The following PTPRA variants were observed in gnomAD, a reference collection of about 807,000 sequenced individuals.
The protein encoded by PTPRA is receptor-type tyrosine-protein phosphatase alpha.
Under a neutral mutation model 104.8 loss-of-function variants are expected in PTPRA, and 25 were observed. The ratio of observed to expected loss-of-function variants is 0.24; its 90% CI spans 0.17 to 0.33. The LOEUF is 0.33. Among genes scored for constraint, PTPRA ranks in the 10% least tolerant of loss-of-function variants. The pLI is 1.00. For missense variants in PTPRA, 765 were observed against 1,015.3 expected (o/e 0.75, Z 3.35); for synonymous variants, 323 against 368.9 (o/e 0.88, Z 1.43).
chr20:3,027,911 G>A (rs1037441618), intron 20 of PTPRA, 70 bp downstream of exon 20: 10 of 1,587,856 alleles, frequency 6.3e-6, no homozygotes, highest in Admixed American at 1.7e-5. Context: ...AAATGGGGAC[G>A]TTGGGAAGGC....
intron 2 of PTPRA, among the ~76,000 whole-genome samples, chr20:2,940,444 C>G (rs1450758747): frequency 2.0e-5 from 3 of 152,248 alleles, no homozygotes; most frequent in African/African-American, 7.2e-5. Flanking sequence ...GCATATACCC[C>G]CATACCTAGC....
intron 13 of PTPRA, among the ~76,000 whole-genome samples, chr20:3,020,841 G>A (rs1487369833): frequency 1.3e-5 from 2 of 152,216 alleles, no homozygotes; most frequent in Non-Finnish European, 2.9e-5. Context: ...GCTCTTGGAA[G>A]CTATCCAAAG....
At chr20:2,921,554 T>A (rs2060097159) in intron 1 of PTPRA, among the ~76,000 whole-genome samples, 1 of 152,110 alleles carries the variant, frequency 6.6e-6, no homozygotes, top group Non-Finnish European at 1.5e-5. Flanking sequence ...CATTTTGGTT[T>A]ATTTATTGGG....
chr20:3,022,852 T>TG lies in PTPRA; in HGVS notation c.1464+34dup, dbSNP rs768996306. 7.4e-6 allele frequency: 12 copies of TG among 1,613,756 alleles called. No homozygotes were observed. Among genetic ancestry groups the TG allele is most frequent in the African/African-American group, 2.7e-5 (2 of 74,942 alleles). ...GAGTGATCTGTGGGTCAGGTGAGGG[T>TG]GGGGGGTTCCAGGACTAAAACATCT... On this transcript the variant is annotated intron_variant, in intron 16 of 23. Coordinates refer to ENST00000399903, the MANE Select transcript of PTPRA (RefSeq NM_001385305.1). The surrounding 1 kb of genome is among the most constrained non-coding windows in gnomAD (Gnocchi z 4.6).
At chr20:2,987,384 C>G (rs948509373) in intron 7 of PTPRA, among the ~76,000 whole-genome samples, 2 of 151,840 alleles carry the variant, frequency 1.3e-5, no homozygotes, top group Non-Finnish European at 2.9e-5. Context: ...CGTTACCACT[C>G]AAGCAGAAGC....
chr20:2,910,257 T>C (rs1452085813), intron 1 of PTPRA, among the ~76,000 whole-genome samples: 2 of 104,038 alleles, frequency 1.9e-5, no homozygotes, highest in African/African-American at 7.1e-5. Flanking sequence ...AATATATATA[T>C]AAGGCACAGT....
intron 5 of PTPRA, among the ~76,000 whole-genome samples, chr20:2,973,440 G>T (rs1260023293): frequency 6.6e-6 from 1 of 152,176 alleles, no homozygotes; most frequent in East Asian, 1.9e-4. Flanking sequence ...GCTATAAGCT[G>T]CTCTGACAAA....
At chr20:3,034,070 A>G (rs1056517109) in intron 20 of PTPRA, among the ~76,000 whole-genome samples, 5 of 152,126 alleles carry the variant, frequency 3.3e-5, no homozygotes, top group Admixed American at 1.3e-4. Context: ...CAAGAGTTTG[A>G]GACCAGCCTG....
At chr20:2,930,026 C>T (rs139484467) in intron 2 of PTPRA, among the ~76,000 whole-genome samples, 58 of 152,200 alleles carry the variant, frequency 3.8e-4, no homozygotes, top group African/African-American at 1.4e-3. Context: ...TCATAGGAAA[C>T]CAAACTTGCT....
intron 12 of PTPRA, among the ~76,000 whole-genome samples, chr20:3,017,236 T>C (rs1458348874): frequency 6.6e-6 from 1 of 152,218 alleles, no homozygotes; most frequent in African/African-American, 2.4e-5. Flanking sequence ...CTCTCTATCC[T>C]CTGGCAGAGT....
intron 1 of PTPRA, among the ~76,000 whole-genome samples, chr20:2,892,776 A>G (rs1265477658): frequency 6.6e-6 from 1 of 152,200 alleles, no homozygotes; most frequent in African/African-American, 2.4e-5. Flanking sequence ...TAGGGCAAGG[A>G]GCATCTTTAT....
At chr20:2,981,240 A>G (rs2062661329) in intron 6 of PTPRA, among the ~76,000 whole-genome samples, 1 of 152,198 alleles carries the variant, frequency 6.6e-6, no homozygotes, top group African/African-American at 2.4e-5. Context: ...TTTAAATTGG[A>G]TAATAGTATT....
intron 11 of PTPRA, among the ~76,000 whole-genome samples, chr20:3,007,635 A>T (rs555561206): frequency 6.6e-6 from 1 of 152,154 alleles, no homozygotes; most frequent in Non-Finnish European, 1.5e-5. Context: ...ATGGTTTCCC[A>T]TGTAGAAATC....
intron 1 of PTPRA, among the ~76,000 whole-genome samples, chr20:2,877,247 TTTTGTTTGTTTG>T (rs545873111): frequency 6.6e-6 from 1 of 152,082 alleles, no homozygotes; most frequent in Non-Finnish European, 1.5e-5. Context: ...AAGAGATGTT[TTTTGTTTGTTTG>T]TTTGTTTGTT....
At chr20:2,909,654 ATGAG>A (rs1300552804) in intron 1 of PTPRA, among the ~76,000 whole-genome samples, 11 of 150,468 alleles carry the variant, frequency 7.3e-5, no homozygotes, top group African/African-American at 2.7e-4. Flanking sequence ...TAGTAAATGA[ATGAG>A]TGCAGCTACA....
At chr20:2,894,126 A>G (rs1335081257) in intron 1 of PTPRA, among the ~76,000 whole-genome samples, 2 of 152,222 alleles carry the variant, frequency 1.3e-5, no homozygotes, top group African/African-American at 2.4e-5. Flanking sequence ...ATATAATCAA[A>G]CAGCAGAATA....
chr20:2,944,490 T>G (rs143355348), intron 2 of PTPRA, among the ~76,000 whole-genome samples: 1 of 152,344 alleles, frequency 6.6e-6, no homozygotes, highest in Non-Finnish European at 1.5e-5. Flanking sequence ...AGCCAAAGCT[T>G]CTCACATTAT....
At chr20:2,948,459 C>G (rs1490570594) in intron 3 of PTPRA, among the ~76,000 whole-genome samples, 3 of 152,206 alleles carry the variant, frequency 2.0e-5, no homozygotes, top group South Asian at 2.1e-4. Context: ...AGTACTCAAC[C>G]TCGTTGCTTA....
At chr20:3,014,232 C>G (rs991077996) in intron 11 of PTPRA, among the ~76,000 whole-genome samples, 6 of 152,198 alleles carry the variant, frequency 3.9e-5, no homozygotes, top group African/African-American at 1.2e-4. Flanking sequence ...TCAATGAAAA[C>G]TTTAACAAGT....
Sources: gnomAD v4.1 joint callset for allele counts (sites outside exome capture counted in the v4.1 genomes callset) on GRCh38, gnomAD v4.1.1 for gene constraint, Gnocchi (gnomAD v3.1) non-coding constraint, MANE v1.5 for transcripts, NCBI Gene and HGNC (gene_info 2026-07-23, HGNC 2026-07-21) for gene names.